The following SLC25A21 variants were observed in gnomAD, a reference collection of about 807,000 sequenced individuals.
SLC25A21 encodes solute carrier family 25 member 21, also known as mitochondrial 2-oxodicarboxylate carrier.
Under a neutral mutation model 43.8 loss-of-function variants are expected in SLC25A21, and 47 were observed. The ratio of observed to expected loss-of-function variants is 1.07; its 90% CI spans 0.85 to 1.37. The LOEUF (loss-of-function observed/expected upper bound fraction) is 1.37, where lower values mean the gene tolerates loss of function less well. Ranked by LOEUF, SLC25A21 falls within the 40% of genes most tolerant of loss-of-function variation. The pLI is 0.00. For missense variants in SLC25A21, 352 were observed against 350.2 expected (o/e 1.00, Z -0.04); for synonymous variants, 131 against 121.3 (o/e 1.08, Z -0.52).
chr14:36,893,953 T>C (rs1380056707), intron 1 of SLC25A21, among the ~76,000 whole-genome samples: 4 of 152,200 alleles, frequency 2.6e-5, no homozygotes, highest in African/African-American at 4.8e-5. Flanking sequence ...CCTTGTAGTA[T>C]AGTTTGAAGT....
intron 1 of SLC25A21, among the ~76,000 whole-genome samples, chr14:36,971,740 ACCTCGG>A (rs2076008693): frequency 6.6e-6 from 1 of 151,872 alleles, no homozygotes. Context: ...CCACACACGA[ACCTCGG>A]GTATTTACCC....
rs148493119 is a variant in SLC25A21, at chr14:37,122,180, C to T, written c.70+50101G>A. Among the ~76,000 whole-genome samples, 469 of 152,304 alleles carry T rather than the reference C, an allele frequency of 3.1e-3. 1 individual carries two copies. The highest frequency in any genetic ancestry group is 0.011 in the African/African-American group (437 of 41,560). ...TGTACCTTGCAGGACTAATGTCCTA[C>T]CAAACACACTTTGGAAAATATGCTT... On this transcript the variant is annotated intron_variant, in intron 1 of 9. Coordinates refer to ENST00000331299, the MANE Select transcript of SLC25A21 (RefSeq NM_030631.4).
intron 3 of SLC25A21, among the ~76,000 whole-genome samples, chr14:36,783,959 T>C (rs1861075161): frequency 6.6e-6 from 1 of 152,224 alleles, no homozygotes; most frequent in African/African-American, 2.4e-5. Flanking sequence ...CCCAAACTTG[T>C]ATTGCATTTC....
chr14:36,770,626 G>A (rs995865257), intron 3 of SLC25A21, among the ~76,000 whole-genome samples: 1 of 152,116 alleles, frequency 6.6e-6, no homozygotes, highest in Non-Finnish European at 1.5e-5. Context: ...TTGATTACTT[G>A]TGATTTCTGG....
At chr14:36,775,620 C>T (rs1053331139) in intron 3 of SLC25A21, among the ~76,000 whole-genome samples, 6 of 152,108 alleles carry the variant, frequency 3.9e-5, no homozygotes, top group Admixed American at 1.3e-4. Context: ...ATCCAATCTC[C>T]CATTGAAAGG....
At chr14:36,699,967 A>G (rs980249046) in intron 7 of SLC25A21, among the ~76,000 whole-genome samples, 1 of 152,156 alleles carries the variant, frequency 6.6e-6, no homozygotes, top group Non-Finnish European at 1.5e-5. Context: ...CTGTCCAACC[A>G]GTCCCAGTGA....
chr14:36,699,358 G>C (rs1294643918), intron 7 of SLC25A21, among the ~76,000 whole-genome samples: 1 of 152,212 alleles, frequency 6.6e-6, no homozygotes, highest in Admixed American at 6.5e-5. Context: ...TGAGGGGTCT[G>C]TGGGTCCCTT....
At chr14:36,736,208 T>C (rs564095473) in intron 3 of SLC25A21, among the ~76,000 whole-genome samples, 219 of 152,244 alleles carry the variant, frequency 1.4e-3, no homozygotes, top group Middle Eastern at 0.01. Flanking sequence ...GTGCTGGGAT[T>C]ACAGGCGTGA....
At chr14:36,993,229 G>C (rs936035031) in intron 1 of SLC25A21, among the ~76,000 whole-genome samples, 1 of 152,118 alleles carries the variant, frequency 6.6e-6, no homozygotes, top group Non-Finnish European at 1.5e-5. Flanking sequence ...TCTATGAAAT[G>C]TGCTTTCAGA....
intron 1 of SLC25A21, among the ~76,000 whole-genome samples, chr14:36,939,448 A>G (rs1423421617): frequency 1.3e-5 from 2 of 152,060 alleles, no homozygotes; most frequent in Non-Finnish European, 2.9e-5. Flanking sequence ...GCCATGTCAA[A>G]TAAACATGAT....
rs779404360 is a variant in SLC25A21 at position 37,124,015 on chromosome 14, C to CT, written c.70+48265dup. 5.5e-3 allele frequency among the ~76,000 whole-genome samples: 807 copies of CT among 146,120 alleles called. 7 individuals are homozygous for CT. Among genetic ancestry groups the CT allele is most frequent in the African/African-American group, 0.015 (610 of 40,264 alleles). ...ATTGGTTTCATTTTCTTATCATTAT[C>CT]TTTTTTTTTTTTTGAGACGGAGTCT... On this transcript the variant is annotated intron_variant, in intron 1 of 9. Coordinates refer to ENST00000331299, the MANE Select transcript of SLC25A21 (RefSeq NM_030631.4).
At chr14:36,890,213 A>G (rs1367285188) in intron 1 of SLC25A21, among the ~76,000 whole-genome samples, 1 of 152,164 alleles carries the variant, frequency 6.6e-6, no homozygotes, top group Non-Finnish European at 1.5e-5. Context: ...AAAATTACTG[A>G]GTAGCACTGA....
At chr14:36,722,304 A>G (rs951516879) in intron 6 of SLC25A21, among the ~76,000 whole-genome samples, 5 of 152,218 alleles carry the variant, frequency 3.3e-5, no homozygotes, top group African/African-American at 1.2e-4. Context: ...TCGGCAGAAC[A>G]CAGAGGATTT....
intron 2 of SLC25A21, among the ~76,000 whole-genome samples, chr14:36,835,099 T>C (rs1003726288): frequency 6.6e-6 from 1 of 152,230 alleles, no homozygotes; most frequent in African/African-American, 2.4e-5. Context: ...TCAGGGATTA[T>C]AAAATCACTT....
At chr14:36,786,972 C>T (rs973991958) in intron 3 of SLC25A21, among the ~76,000 whole-genome samples, 3 of 152,194 alleles carry the variant, frequency 2.0e-5, no homozygotes, top group African/African-American at 7.2e-5. Flanking sequence ...TAAACACACA[C>T]AGCCACTGTC....
intron 1 of SLC25A21, among the ~76,000 whole-genome samples, chr14:36,995,898 C>T (rs1163314759): frequency 6.6e-6 from 1 of 152,186 alleles, no homozygotes; most frequent in African/African-American, 2.4e-5. Flanking sequence ...CAATTGGTAT[C>T]ACTTACCTTG....
At chr14:36,856,460 T>C (rs1441309491) in intron 2 of SLC25A21, among the ~76,000 whole-genome samples, 1 of 152,126 alleles carries the variant, frequency 6.6e-6, no homozygotes, top group Non-Finnish European at 1.5e-5. Context: ...TGGAGACTGC[T>C]CATTCTGCGA....
At chr14:36,918,449 T>G (rs1486818248) in intron 1 of SLC25A21, among the ~76,000 whole-genome samples, 1 of 152,190 alleles carries the variant, frequency 6.6e-6, no homozygotes, top group Admixed American at 6.6e-5. Context: ...AAGCTATTAT[T>G]CTTAAGCTAA....
At chr14:36,784,643 A>T (rs1887185571) in intron 3 of SLC25A21, among the ~76,000 whole-genome samples, 1 of 152,220 alleles carries the variant, frequency 6.6e-6, no homozygotes, top group Non-Finnish European at 1.5e-5. Context: ...GCTAAGACCA[A>T]CCAGACAACT....
Sources: gnomAD v4.1 joint callset for allele counts (sites outside exome capture counted in the v4.1 genomes callset) on GRCh38, gnomAD v4.1.1 for gene constraint, MANE v1.5 for transcripts, NCBI Gene and HGNC (gene_info 2026-07-23, HGNC 2026-07-21) for gene names.